The following SEMA6A variants were observed in gnomAD, a reference collection of about 807,000 sequenced individuals.
SEMA6A encodes the protein semaphorin 6A, also known as semaphorin-6A.
SEMA6A carries 25 observed loss-of-function variants against 96.8 expected under a neutral mutation model. The ratio of observed to expected loss-of-function variants is 0.26; its 90% CI spans 0.19 to 0.36. The LOEUF is 0.36. Ranked by LOEUF, SEMA6A falls within the 10% of genes least tolerant of loss-of-function variation. The pLI, the probability that SEMA6A is intolerant of heterozygous loss-of-function variation, is 1.00. For synonymous variants in SEMA6A, 612 were observed against 518.0 expected (o/e 1.18, Z -2.46); for missense variants, 1,363 against 1,323.1 (o/e 1.03, Z -0.47).
At chr5:116,464,166 A>T (rs1022292172) in intron 18 of SEMA6A, among the ~76,000 whole-genome samples, 2 of 152,204 alleles carry the variant, frequency 1.3e-5, no homozygotes, top group Non-Finnish European at 2.9e-5. Context: ...GTAACTACCC[A>T]TTACGACCTC....
intron 1 of SEMA6A, among the ~76,000 whole-genome samples, chr5:116,519,339 G>T (rs1190417704): frequency 1.3e-5 from 2 of 152,076 alleles, no homozygotes; most frequent in Non-Finnish European, 2.9e-5. Flanking sequence ...TACACCACAG[G>T]GTACTTTTTT....
At chr5:116,516,350 G>C (rs1331561395) in intron 1 of SEMA6A, among the ~76,000 whole-genome samples, 1 of 152,028 alleles carries the variant, frequency 6.6e-6, no homozygotes, top group African/African-American at 2.4e-5. Context: ...ATTATATCTT[G>C]AATTTCTATA....
intron 1 of SEMA6A, among the ~76,000 whole-genome samples, chr5:116,568,256 T>A (rs1580527275): frequency 6.6e-6 from 1 of 152,336 alleles, no homozygotes; most frequent in Non-Finnish European, 1.5e-5. Flanking sequence ...TTCGTATTAT[T>A]TTCCCAGTAA....
chr5:116,560,422 G>T (rs1760776392), intron 1 of SEMA6A, among the ~76,000 whole-genome samples: 2 of 151,518 alleles, frequency 1.3e-5, no homozygotes, highest in Non-Finnish European at 2.9e-5. Flanking sequence ...AAGAGTAGGT[G>T]CTAAATAAAT....
In SEMA6A at chr5:116,491,750, T is replaced by G. The variant is rs774811553; in HGVS notation, c.525A>C (p.Ala175=). 6.2e-7 allele frequency: 1 copy of G among 1,613,538 alleles called. No individual in the cohort carries two copies. The highest frequency in any genetic ancestry group is 8.5e-7 in the Non-Finnish European group (1 of 1,179,504). Residue 175 remains alanine, a synonymous_variant, in exon 7 of 19, where the codon GCA becomes GCC. Coordinates refer to ENST00000343348, the MANE Select transcript of SEMA6A (RefSeq NM_020796.5). ...AATCAGGTCGCTTACCTGCAAACAG[T>G]GCAACGTTGGCATGTTTGGCATCAT... is the stretch of plus-strand genomic sequence containing the variant. ...CPYDAKHANV[A]LFADGKLYSA... is the part of the protein sequence containing the mutation.
intron 1 of SEMA6A, among the ~76,000 whole-genome samples, chr5:116,510,147 A>G (rs897232724): frequency 6.6e-6 from 1 of 152,190 alleles, no homozygotes; most frequent in Admixed American, 6.5e-5. Flanking sequence ...CCAGCATGCT[A>G]TACTGCCTAG....
intron 1 of SEMA6A, among the ~76,000 whole-genome samples, chr5:116,556,871 G>C (rs747527762): frequency 6.6e-6 from 1 of 152,094 alleles, no homozygotes; most frequent in Admixed American, 6.5e-5. Context: ...GTGTTGCAAC[G>C]TTACCTTCAT....
At chr5:116,514,867 A>G (rs1758592659) in intron 1 of SEMA6A, among the ~76,000 whole-genome samples, 1 of 152,212 alleles carries the variant, frequency 6.6e-6, no homozygotes, top group Admixed American at 6.5e-5. Flanking sequence ...CACCCCCAGG[A>G]CCTCACTATT....
At chr5:116,493,805 A>G (rs762122964) in intron 6 of SEMA6A, among the ~76,000 whole-genome samples, 1 of 152,076 alleles carries the variant, frequency 6.6e-6, no homozygotes, top group Non-Finnish European at 1.5e-5. Flanking sequence ...ACCCAAATCT[A>G]TATTTCTCTC....
intron 1 of SEMA6A, among the ~76,000 whole-genome samples, chr5:116,515,679 T>C (rs1475258379): frequency 6.6e-6 from 1 of 152,164 alleles, no homozygotes; most frequent in African/African-American, 2.4e-5. Flanking sequence ...TAATAATTTC[T>C]CCTCTGTTTA....
intron 10 of SEMA6A, among the ~76,000 whole-genome samples, chr5:116,485,408 A>G (rs1306162756): frequency 6.6e-6 from 1 of 152,232 alleles, no homozygotes; most frequent in Non-Finnish European, 1.5e-5. Flanking sequence ...GCTCTGATGT[A>G]TGAGCAATAA....
rs188841835 is a variant in SEMA6A, at chr5:116,541,217, G to A, written c.-39+32968C>T. Among the ~76,000 whole-genome samples the A allele has an allele frequency of 1.6e-4, 24 of 152,272 alleles. No individual in the cohort carries two copies. In the East Asian group the frequency reaches 4.4e-3, roughly 28 times the overall value. On this transcript the variant is annotated intron_variant, in intron 1 of 18. Transcript: ENST00000343348. Reference sequence around the variant, plus strand: ...CAGAATGCTAATTGGTGATATCAACGTGTCCAGTGCATTCTAAATTCAAAG... The same window carrying A: ...CAGAATGCTAATTGGTGATATCAACATGTCCAGTGCATTCTAAATTCAAAG...
chr5:116,506,630 CAT>C (rs2112779765), intron 1 of SEMA6A, among the ~76,000 whole-genome samples: 1 of 144,430 alleles, frequency 6.9e-6, no homozygotes, highest in Admixed American at 7.1e-5. Flanking sequence ...AAAAGTAAAA[CAT>C]AAACAAGACA....
intron 1 of SEMA6A, chr5:116,508,367 G>A (rs1259161978): frequency 1.3e-5 from 2 of 152,206 alleles, no homozygotes; most frequent in Admixed American, 1.3e-4. Context: ...GATGGCAGCG[G>A]AGCTGGAAAT....
chr5:116,511,277 G>A (rs1348656004), intron 1 of SEMA6A, among the ~76,000 whole-genome samples: 3 of 152,036 alleles, frequency 2.0e-5, no homozygotes, highest in Admixed American at 2.0e-4. Flanking sequence ...GTATTGCTTA[G>A]GGAAAAGCAA....
At chr5:116,533,329 C>G (rs900168709) in intron 1 of SEMA6A, among the ~76,000 whole-genome samples, 7 of 149,508 alleles carry the variant, frequency 4.7e-5, no homozygotes, top group African/African-American at 1.8e-4. Flanking sequence ...TGAAGAGACT[C>G]GACACTGCTG....
At chr5:116,490,546 A>G (rs1445473490) in intron 7 of SEMA6A, among the ~76,000 whole-genome samples, 1 of 152,132 alleles carries the variant, frequency 6.6e-6, no homozygotes, top group Non-Finnish European at 1.5e-5. Flanking sequence ...CCTTGCTCAT[A>G]CCTTACAAAT....
chr5:116,521,780 G>A (rs992560565), intron 1 of SEMA6A, among the ~76,000 whole-genome samples: 5 of 152,150 alleles, frequency 3.3e-5, no homozygotes, highest in African/African-American at 1.2e-4. Flanking sequence ...AGAGGGGTGA[G>A]GGAGAGAAAG....
chr5:116,498,221 A>G (rs1367577160), intron 3 of SEMA6A, among the ~76,000 whole-genome samples: 1 of 152,192 alleles, frequency 6.6e-6, no homozygotes, highest in East Asian at 1.9e-4. Flanking sequence ...AGGGAAAGCA[A>G]AACAGCTCAT....
Sources: allele counts gnomAD v4.1 joint callset (sites outside exome capture counted in the v4.1 genomes callset), GRCh38; gene constraint gnomAD v4.1.1; transcripts MANE v1.5; gene names NCBI Gene and HGNC (gene_info 2026-07-23, HGNC 2026-07-21).